GLP1R: variants seen among roughly 807,000 people sequenced by gnomAD.
GLP1R encodes the protein glucagon-like peptide 1 receptor.
A neutral mutation model predicts 68.4 loss-of-function variants in GLP1R; 32 were observed. That is an observed-to-expected ratio of 0.47 (90% CI 0.35 to 0.63). GLP1R has a LOEUF of 0.63. Ranked by LOEUF, GLP1R falls within the 20% of genes least tolerant of loss-of-function variation. The pLI is 0.00. For missense variants in GLP1R, 502 were observed against 594.9 expected (o/e 0.84, Z 1.62); for synonymous variants, 263 against 244.4 (o/e 1.08, Z -0.71).
intron 5 of GLP1R, among the ~76,000 whole-genome samples, chr6:39,067,248 G>A (rs1408446175): frequency 1.3e-5 from 2 of 152,166 alleles, no homozygotes; most frequent in Admixed American, 6.5e-5. Context: ...ATATAGCAAG[G>A]TTCTGTGTAT....
chr6:39,060,452 T>C (rs1768330941), intron 3 of GLP1R, among the ~76,000 whole-genome samples: 1 of 151,942 alleles, frequency 6.6e-6, no homozygotes, highest in Non-Finnish European at 1.5e-5. Flanking sequence ...ACTACAACAA[T>C]GGAAAGCTTG....
chr6:39,068,931 G>A (rs1768588579), intron 5 of GLP1R, among the ~76,000 whole-genome samples: 1 of 152,226 alleles, frequency 6.6e-6, no homozygotes. Context: ...CCTTGGTATT[G>A]TCTCCTGAAC....
chr6:39,054,579 C>T (rs1450918500), intron 1 of GLP1R, among the ~76,000 whole-genome samples: 1 of 151,638 alleles, frequency 6.6e-6, no homozygotes, highest in Non-Finnish European at 1.5e-5. Context: ...CCCTGGGGTG[C>T]AGGAGGCCAG....
At chr6:39,073,907 C>T in intron 7 of GLP1R, 138 bp downstream of exon 7, 1 of 705,912 alleles carries the variant, frequency 1.4e-6, no homozygotes, top group South Asian at 1.7e-5. Context: ...GGGCACAGGA[C>T]CTTCTGCCCC....
intron 12 of GLP1R, among the ~76,000 whole-genome samples, chr6:39,082,128 G>A (rs759438023): frequency 1.3e-5 from 2 of 152,146 alleles, no homozygotes; most frequent in Non-Finnish European, 2.9e-5. Flanking sequence ...GAAGGGAGGG[G>A]AATGTTCCCT....
intron 3 of GLP1R, among the ~76,000 whole-genome samples, chr6:39,061,496 G>A (rs1243853328): frequency 6.6e-6 from 1 of 152,146 alleles, no homozygotes; most frequent in South Asian, 2.1e-4. Flanking sequence ...ACTCTGGCGG[G>A]TGCCTCCCCT....
rs1051234967 is a variant in GLP1R, at chr6:39,065,794, T to C, written c.367T>C (p.Leu123=). The C allele has an allele frequency of 7.5e-6, 12 of 1,603,634 alleles. No individual in the cohort carries two copies. Among genetic ancestry groups the C allele is most frequent in the Non-Finnish European group, 1.0e-5 (12 of 1,175,166 alleles). The change falls in exon 4 of 13, where the codon TTG becomes CTG. Residue 123 remains leucine (L), a synonymous_variant. Coordinates refer to ENST00000373256, the MANE Select transcript of GLP1R (RefSeq NM_002062.5). ...KDNSSLPWRD[L]SECEESKRGE... Reference sequence around the variant, plus strand: ...CAACTCCAGCCTGCCCTGGAGGGACTTGTCGGAGTGCGAGGAGTCCAAGCG... The same window carrying C: ...CAACTCCAGCCTGCCCTGGAGGGACCTGTCGGAGTGCGAGGAGTCCAAGCG...
intron 5 of GLP1R, among the ~76,000 whole-genome samples, chr6:39,069,766 G>C (rs969307993): frequency 3.9e-5 from 6 of 152,030 alleles, no homozygotes; most frequent in African/African-American, 1.4e-4. Context: ...CAGTTCCCAA[G>C]CTACTGCTAC....
Position 39,084,522 on chromosome 6 carries a change from G to C in GLP1R, c.1225-1384G>C, listed in dbSNP as rs953473882. Among the ~76,000 whole-genome samples the C allele has an allele frequency of 2.6e-5, 4 of 152,102 alleles. No homozygotes were observed. The East Asian group carries it at 7.7e-4, about 29-fold the overall frequency. ...AGCGGAAGGGCTATGAAACAAGCCT[G>C]GCCTCCTGGCAGCTGCACAAGTGGG... On this transcript the variant is annotated intron_variant, in intron 12 of 12. Transcript: ENST00000373256.
chr6:39,074,914 T>C (rs527420372), intron 7 of GLP1R, among the ~76,000 whole-genome samples: 16 of 152,256 alleles, frequency 1.1e-4, no homozygotes, highest in African/African-American at 3.8e-4. Flanking sequence ...TTACTGGTGT[T>C]CCTCAGCCAT....
rs10305493 is a variant in GLP1R at position 39,079,155 on chromosome 6, C to G, written c.998C>G (p.Ser333Cys). 85 of 1,613,942 alleles carry G rather than the reference C, an allele frequency of 5.3e-5. No homozygotes were observed. Among genetic ancestry groups the G allele is most frequent in the Non-Finnish European group, 6.7e-5 (79 of 1,179,964 alleles). The change falls in exon 10 of 13, where the codon TCC becomes TGC. Residue 333 changes from serine to cysteine, a missense_variant. Coordinates refer to ENST00000373256, the MANE Select transcript of GLP1R (RefSeq NM_002062.5). This position sits in a 1 kb window ranked among gnomAD's most constrained non-coding sequence, Gnocchi z 4.5. ...IFVRVICIVV[S>C]KLKANLMCKT... ...GTTCGGGTCATCTGCATCGTGGTAT[C>G]CAAACTGAAGGCCAATCTCATGTGC... is the stretch of plus-strand genomic sequence containing the variant.
rs10305494 is a variant in GLP1R at position 39,079,527 on chromosome 6, G to T, written c.1044-37G>T. On this transcript the variant is annotated intron_variant, in intron 10 of 12. Transcript: ENST00000373256. This position sits in a 1 kb window ranked among gnomAD's most constrained non-coding sequence, Gnocchi z 4.5. ...AAGGGAAGAAGAGTCCATGGGAGAG[G>T]TCCAGAATGACTCGAGATCTCTGCC... The T allele has an allele frequency of 3.2e-3, 4,918 of 1,553,898 alleles. 96 individuals carry two copies. In the Admixed American group the frequency reaches 0.042, roughly 13 times the overall value.
chr6:39,085,285 G>T (rs1261989608), intron 12 of GLP1R, among the ~76,000 whole-genome samples: 2 of 152,216 alleles, frequency 1.3e-5, no homozygotes, highest in African/African-American at 2.4e-5. Flanking sequence ...GAGCTCCCCT[G>T]GGCTGCACCC....
chr6:39,086,523 AG>A lies in GLP1R; in HGVS notation c.*451del, dbSNP rs2150840845. ...TAACCTCAGCCAAACACAGAGCGGG[AG>A]TGACGGGAGCCTCCTCTGCTTGCAT... On this transcript the variant is annotated 3_prime_UTR_variant, in exon 13 of 13. Transcript: ENST00000373256. The surrounding 1 kb of genome is among the most constrained non-coding windows in gnomAD (Gnocchi z 4.5). The A allele has an allele frequency of 6.4e-6, 1 of 155,198 alleles. No individual in the cohort carries two copies. The highest frequency in any genetic ancestry group is 2.4e-5 in the African/African-American group (1 of 41,628). 9.6% of individuals were successfully genotyped at this position (155,198 alleles called of 1,614,324 possible).
chr6:39,065,483 G>A (rs1367165296), intron 3 of GLP1R, among the ~76,000 whole-genome samples: 1 of 152,220 alleles, frequency 6.6e-6, no homozygotes, highest in Non-Finnish European at 1.5e-5. Context: ...TGCCTTGGTG[G>A]CCCCCTGTCT....
Position 39,079,390 on chromosome 6 carries a change from GGGTCTT to G in GLP1R, c.1044-172_1044-167del, listed in dbSNP as rs1418625915. On this transcript the variant is annotated intron_variant, in intron 10 of 12. Coordinates refer to ENST00000373256, the MANE Select transcript of GLP1R (RefSeq NM_002062.5). The surrounding 1 kb of genome is among the most constrained non-coding windows in gnomAD (Gnocchi z 4.5). The stretch of plus-strand genomic sequence containing the variant: ...CTCTGGGCAGCCCCTGGACTTGTTG[GGGTCTT>G]GACCTCTATTCTTTCCCTCCAGGCA... Among the ~76,000 whole-genome samples, 1 of 152,188 alleles carries G rather than the reference GGGTCTT, an allele frequency of 6.6e-6. No homozygotes were observed. The highest frequency in any genetic ancestry group is 1.5e-5 in the Non-Finnish European group (1 of 68,040).
chr6:39,082,385 G>C (rs1382982087), intron 12 of GLP1R, among the ~76,000 whole-genome samples: 1 of 152,192 alleles, frequency 6.6e-6, no homozygotes, highest in East Asian at 1.9e-4. Context: ...AGAGCTAGTG[G>C]GCTGTGGCGG....
rs944983592 is a variant in GLP1R at position 39,049,903 on chromosome 6, T to C, written c.78+985T>C. ...GGCCTGTCCTGGGTCAGGAAACAGG[T>C]TCTTCCTATCACCTCCCACTGCTAC... On this transcript the variant is annotated intron_variant, in intron 1 of 12. Coordinates refer to ENST00000373256, the MANE Select transcript of GLP1R (RefSeq NM_002062.5). The surrounding 1 kb of genome is among the most constrained non-coding windows in gnomAD (Gnocchi z 4.5). Among the ~76,000 whole-genome samples the C allele has an allele frequency of 2.5e-4, 38 of 151,962 alleles. No homozygotes were observed.
chr6:39,053,795 C>T (rs1328743337), intron 1 of GLP1R, among the ~76,000 whole-genome samples: 1 of 152,278 alleles, frequency 6.6e-6, no homozygotes, highest in East Asian at 1.9e-4. Flanking sequence ...GTTACCTGGG[C>T]ACCCAGGCCC....
Sources: allele counts gnomAD v4.1 joint callset (sites outside exome capture counted in the v4.1 genomes callset), GRCh38; gene constraint gnomAD v4.1.1; non-coding constraint Gnocchi (gnomAD v3.1); transcripts MANE v1.5; gene names NCBI Gene and HGNC (gene_info 2026-07-23, HGNC 2026-07-21).